Variants in STS observed in about 807,000 individuals in gnomAD.
STS encodes the protein steryl-sulfatase.
A neutral mutation model predicts 26.8 loss-of-function variants in STS; 7 were observed. That is an observed-to-expected ratio of 0.26 (90% CI 0.15 to 0.49). The LOEUF (loss-of-function observed/expected upper bound fraction) is 0.49. Ranked by LOEUF, STS falls within the 20% of genes least tolerant of loss-of-function variation. The pLI is 0.98. For synonymous variants in STS, 199 were observed against 189.4 expected (o/e 1.05, Z -0.42); for missense variants, 434 against 465.6 (o/e 0.93, Z 0.63).
chrX:7,147,698 T>A (rs1377882069), upstream of STS, among the ~76,000 whole-genome samples: 2 of 111,374 alleles, frequency 1.8e-5, no homozygotes, highest in African/African-American at 6.5e-5. Context: ...AGCGCGGAGG[T>A]CCCGCCGCGC....
At chrX:7,246,318 G>A (rs1922872162) in intron 2 of STS, among the ~76,000 whole-genome samples, 1 of 105,841 alleles carries the variant, frequency 9.4e-6, no homozygotes, top group Non-Finnish European at 1.9e-5. Context: ...CTGGAGTGCA[G>A]TGAGACGGAG....
At chrX:7,235,337 C>T (rs996931305) in intron 2 of STS, among the ~76,000 whole-genome samples, 5 of 112,053 alleles carry the variant, frequency 4.5e-5, no homozygotes, top group Non-Finnish European at 9.4e-5. Flanking sequence ...TGATGGCACT[C>T]AAATGTATCC....
intron 2 of STS, chrX:7,219,467 G>A (rs1921450860): frequency 2.7e-6 from 3 of 1,107,840 alleles, no homozygotes; most frequent in Non-Finnish European, 1.2e-6. Flanking sequence ...CAGTGCTGTT[G>A]GCCAAGCCTC....
intron 2 of STS, among the ~76,000 whole-genome samples, chrX:7,237,677 T>A (rs1922386809): frequency 9.0e-6 from 1 of 111,697 alleles, no homozygotes; most frequent in Non-Finnish European, 1.9e-5. Context: ...GATTAGCAGT[T>A]GCTTATTTTT....
chrX:7,263,076 T>C (rs1267719308), intron 6 of STS, among the ~76,000 whole-genome samples: 1 of 112,129 alleles, frequency 8.9e-6, no homozygotes, highest in Middle Eastern at 4.2e-3. Context: ...TTGTATCTTT[T>C]TTGTTTTTTT....
intron 1 of STS, among the ~76,000 whole-genome samples, chrX:7,155,468 T>A (rs1340968951): frequency 3.6e-5 from 4 of 112,074 alleles, no homozygotes; most frequent in African/African-American, 9.7e-5. Flanking sequence ...GTTAAGATTT[T>A]AAGAATCTTA....
At chrX:7,341,523 C>G (rs1304932702) in intron 10 of STS, among the ~76,000 whole-genome samples, 14 of 111,897 alleles carry the variant, frequency 1.3e-4, no homozygotes, top group Non-Finnish European at 2.3e-4. Context: ...CAAGCAATCC[C>G]AAAGCAAATG....
At chrX:7,237,796 AT>A (rs1922391775) in intron 2 of STS, among the ~76,000 whole-genome samples, 1 of 111,263 alleles carries the variant, frequency 9.0e-6, no homozygotes, top group Non-Finnish European at 1.9e-5. Flanking sequence ...AATAATATAC[AT>A]TCTACCCAAT....
In STS at chrX:7,259,689, G is replaced by A. The variant is rs1923633531; in HGVS notation, c.723G>A (p.Arg241=). The change falls in exon 6 of 11, where the codon AGG becomes AGA. Residue 241 remains arginine (R), a synonymous_variant. Coordinates refer to ENST00000674429, the MANE Select transcript of STS (RefSeq NM_001320752.2). ...YFRPLNCFMM[R]NYEIIQQPMS... ...GGCCCCTGAACTGCTTCATGATGAG[G>A]AACTACGAGATCATTCAGCAGCCCA... 8.3e-7 allele frequency: 1 copy of A among 1,209,042 alleles called. No homozygotes were observed. The highest frequency in any genetic ancestry group is 1.8e-5 in the African/African-American group (1 of 56,899).
chrX:7,317,098 G>A lies in STS; in HGVS notation c.1082-8241G>A, dbSNP rs777862385. Among the ~76,000 whole-genome samples, 5 of 111,543 alleles carry A rather than the reference G, an allele frequency of 4.5e-5. No homozygotes were observed. In the South Asian group the frequency reaches 1.1e-3, roughly 25 times the overall value. Reference sequence around the variant, plus strand: ...TTGAGTAAATTGTAGAAGAATCCTCGCTACGCTTGCCTAGAGAGATTGAGT... The same window carrying A: ...TTGAGTAAATTGTAGAAGAATCCTCACTACGCTTGCCTAGAGAGATTGAGT... On this transcript the variant is annotated intron_variant, in intron 8 of 10. Coordinates refer to ENST00000674429, the MANE Select transcript of STS (RefSeq NM_001320752.2).
At position 7,253,201 on chromosome X, in the gene STS, TGAA is replaced by T. The variant is rs755997030; in HGVS notation, c.5_7del (p.Lys2?). On this transcript the variant is annotated start_lost and inframe_deletion, in exon 3 of 11. Coordinates refer to ENST00000674429, the MANE Select transcript of STS (RefSeq NM_001320752.2). The stretch of plus-strand genomic sequence containing the variant: ...TGTGTCCTTGTCCTTTACAGGAAGA[TGAA>T]GATCCCTTTCCTCCTACTGTTCTTT... 4.8e-5 allele frequency: 58 copies of T among 1,209,306 alleles called. No homozygotes were observed. In the South Asian group the frequency reaches 9.7e-4, roughly 20 times the overall value.
intron 2 of STS, among the ~76,000 whole-genome samples, chrX:7,207,088 G>T (rs903333383): frequency 1.2e-4 from 13 of 111,499 alleles, no homozygotes; most frequent in African/African-American, 4.2e-4. Flanking sequence ...TACTCAGGAG[G>T]CTGAGGTGGG....
chrX:7,213,603 T>A (rs1042510928), intron 2 of STS, among the ~76,000 whole-genome samples: 1 of 111,702 alleles, frequency 9.0e-6, no homozygotes, highest in African/African-American at 3.3e-5. Flanking sequence ...TTCTTTTCAA[T>A]CAATAATCCT....
intron 2 of STS, among the ~76,000 whole-genome samples, chrX:7,206,787 T>C (rs1483694146): frequency 8.9e-6 from 1 of 112,553 alleles, no homozygotes; most frequent in East Asian, 2.8e-4. Flanking sequence ...ATTTGATTAT[T>C]ATTAGATACA....
At chrX:7,154,940 C>A (rs1303555724) in intron 1 of STS, among the ~76,000 whole-genome samples, 1 of 112,383 alleles carries the variant, frequency 8.9e-6, no homozygotes, top group African/African-American at 3.2e-5. Flanking sequence ...CCAGTCATTT[C>A]TAGGATTGAA....
intron 1 of STS, among the ~76,000 whole-genome samples, chrX:7,182,509 A>G (rs1185219529): frequency 9.1e-6 from 1 of 110,219 alleles, no homozygotes; most frequent in Non-Finnish European, 1.9e-5. Flanking sequence ...TTGTGCCTAT[A>G]GTGTCTTTTC....
intron 7 of STS, among the ~76,000 whole-genome samples, chrX:7,279,823 G>A (rs961853471): frequency 1.8e-5 from 2 of 110,711 alleles, no homozygotes; most frequent in Non-Finnish European, 3.8e-5. Context: ...GCAATCTTTG[G>A]GGATATCAGT....
At chrX:7,272,141 A>G (rs1924303108) in intron 6 of STS, among the ~76,000 whole-genome samples, 1 of 109,181 alleles carries the variant, frequency 9.2e-6, no homozygotes, top group South Asian at 4.0e-4. Flanking sequence ...CACCCAGTCC[A>G]AAATTTGGAA....
intron 10 of STS, among the ~76,000 whole-genome samples, chrX:7,335,574 T>C (rs772578379): frequency 2.0e-4 from 22 of 112,115 alleles, no homozygotes; most frequent in Admixed American, 4.7e-4. Context: ...TTCACTCTGA[T>C]GGTAGTTTCT....
Sources: gnomAD v4.1 joint callset for allele counts (sites outside exome capture counted in the v4.1 genomes callset) on GRCh38, gnomAD v4.1.1 for gene constraint, MANE v1.5 for transcripts, NCBI Gene and HGNC (gene_info 2026-07-23, HGNC 2026-07-21) for gene names.